GNG7: variants seen among roughly 807,000 people sequenced by gnomAD.
GNG7 encodes the protein guanine nucleotide-binding protein G(I)/G(S)/G(O) subunit gamma-7.
Under a neutral mutation model 4.0 loss-of-function variants are expected in GNG7, and 1 was observed. The observed-to-expected ratio is 0.25, with a 90% CI of 0.09 to 1.18. The LOEUF (loss-of-function observed/expected upper bound fraction) is 1.18, where lower values mean the gene tolerates loss of function less well. Ranked by LOEUF, GNG7 falls within the 50% of genes most tolerant of loss-of-function variation. The pLI, the probability that GNG7 is intolerant of heterozygous loss-of-function variation, is 0.50. For synonymous variants in GNG7, 34 were observed against 36.9 expected (o/e 0.92, Z 0.29); for missense variants, 86 against 91.9 (o/e 0.94, Z 0.26).
intron 2 of GNG7, among the ~76,000 whole-genome samples, chr19:2,601,909 A>T (rs544269094): frequency 6.6e-6 from 1 of 151,900 alleles, no homozygotes; most frequent in African/African-American, 2.4e-5. Context: ...CTCAGAAAGA[A>T]GAAAAGAGAA....
chr19:2,560,311 G>C (rs1164456839), intron 2 of GNG7, among the ~76,000 whole-genome samples: 6 of 152,040 alleles, frequency 3.9e-5, no homozygotes, highest in African/African-American at 1.4e-4. Context: ...GGAAGGAAGG[G>C]ACCGCCTCAG....
chr19:2,655,859 A>ATATATATATATATATATATAT (rs1184181259), intron 1 of GNG7, among the ~76,000 whole-genome samples: 1 of 133,690 alleles, frequency 7.5e-6, no homozygotes, highest in African/African-American at 3.3e-5. Context: ...AAAAAAAAAA[A>ATATATATATATATATATATAT]ATACATATAT....
rs549469816 is a variant in GNG7 at position 2,586,189 on chromosome 19, C to T, written c.-77-31001G>A. 4.2e-4 allele frequency among the ~76,000 whole-genome samples: 64 copies of T among 152,294 alleles called. No individual in the cohort carries two copies. In the South Asian group the frequency reaches 6.8e-3, roughly 16 times the overall value. ...GGCTGGCTCAGCACAGTCTTGCAGC[C>T]GTCTTGATGGGGTGAGATCGGGGAG... On this transcript the variant is annotated intron_variant, in intron 2 of 4. Coordinates refer to ENST00000382159, the MANE Select transcript of GNG7 (RefSeq NM_052847.3).
intron 2 of GNG7, among the ~76,000 whole-genome samples, chr19:2,636,572 C>G (rs186622735): frequency 2.0e-5 from 3 of 152,122 alleles, no homozygotes; most frequent in Non-Finnish European, 2.9e-5. Flanking sequence ...CCTCTGTGCC[C>G]GAGTGTGAGG....
intron 2 of GNG7, among the ~76,000 whole-genome samples, chr19:2,583,081 C>T (rs1224046412): frequency 2.0e-5 from 3 of 152,102 alleles, no homozygotes; most frequent in Non-Finnish European, 2.9e-5. Flanking sequence ...AATGAGATTA[C>T]AGGCATGAGC....
Position 2,514,446 on chromosome 19 carries a change from C to G in GNG7, c.*576G>C, listed in dbSNP as rs1019322029. On this transcript the variant is annotated 3_prime_UTR_variant, in exon 5 of 5. Transcript: ENST00000382159. Reference sequence around the variant, plus strand: ...AGCGACGGGTTCAACCATCACAATCCGAGTTTAGCCGTATGGAGTAACAAT... The same window carrying G: ...AGCGACGGGTTCAACCATCACAATCGGAGTTTAGCCGTATGGAGTAACAAT... 1 of 153,262 alleles carries G rather than the reference C, an allele frequency of 6.5e-6. No individual in the cohort carries two copies. The highest frequency in any genetic ancestry group is 1.9e-4 in the East Asian group (1 of 5,216). 9.5% of individuals were successfully genotyped at this position (153,262 alleles called of 1,614,324 possible).
chr19:2,613,464 G>A (rs750275008), intron 2 of GNG7, among the ~76,000 whole-genome samples: 10 of 151,354 alleles, frequency 6.6e-5, no homozygotes, highest in Non-Finnish European at 1.5e-4. Flanking sequence ...AACTCCCGAC[G>A]GGGCAGATGG....
chr19:2,593,378 T>C (rs1980909237), intron 2 of GNG7, among the ~76,000 whole-genome samples: 1 of 152,196 alleles, frequency 6.6e-6, no homozygotes, highest in African/African-American at 2.4e-5. Flanking sequence ...TAGTATTGAG[T>C]CAATTTTTGT....
intron 3 of GNG7, among the ~76,000 whole-genome samples, chr19:2,552,312 A>C (rs1979357436): frequency 6.6e-6 from 1 of 152,082 alleles, no homozygotes; most frequent in Non-Finnish European, 1.5e-5. Context: ...CAAAACAAGC[A>C]AACAGAAATA....
intron 1 of GNG7, among the ~76,000 whole-genome samples, chr19:2,697,793 C>T (rs558288296): frequency 1.4e-3 from 214 of 151,202 alleles, no homozygotes; most frequent in African/African-American, 4.6e-3. Context: ...CCGTCCCCCC[C>T]CCCGCCCGTC....
intron 2 of GNG7, among the ~76,000 whole-genome samples, chr19:2,606,889 G>C (rs1215893059): frequency 6.6e-6 from 1 of 151,570 alleles, no homozygotes; most frequent in Non-Finnish European, 1.5e-5. Context: ...TGCACGCAGT[G>C]TTCATGGAAA....
chr19:2,616,742 C>T (rs1331361226), intron 2 of GNG7, among the ~76,000 whole-genome samples: 1 of 151,876 alleles, frequency 6.6e-6, no homozygotes, highest in African/African-American at 2.4e-5. Flanking sequence ...ATCACGCCAT[C>T]GCACTCCAGC....
At chr19:2,552,458 C>A (rs1979361758) in intron 3 of GNG7, among the ~76,000 whole-genome samples, 4 of 152,208 alleles carry the variant, frequency 2.6e-5, no homozygotes, top group Middle Eastern at 3.4e-3. Context: ...GATCTCGGCT[C>A]ACTACAACCT....
intron 2 of GNG7, among the ~76,000 whole-genome samples, chr19:2,565,839 C>T (rs1479087046): frequency 3.9e-5 from 6 of 151,912 alleles, no homozygotes; most frequent in African/African-American, 4.8e-5. Flanking sequence ...AGGGGACGGG[C>T]GGAATGATGT....
intron 1 of GNG7, among the ~76,000 whole-genome samples, chr19:2,683,238 CA>C (rs113884625): frequency 0.26 from 37,483 of 144,556 alleles, 5,073 homozygotes; most frequent in East Asian, 0.46. Context: ...GACTCCGTCT[CA>C]AAAAAAAAAA....
chr19:2,609,635 G>A lies in GNG7; in HGVS notation c.-78+36589C>T, dbSNP rs1005847740. 1.2e-4 allele frequency among the ~76,000 whole-genome samples: 19 copies of A among 152,160 alleles called. No individual in the cohort carries two copies. The highest frequency in any genetic ancestry group is 2.9e-4 in the African/African-American group (12 of 41,436). On this transcript the variant is annotated intron_variant, in intron 2 of 4. Coordinates refer to ENST00000382159, the MANE Select transcript of GNG7 (RefSeq NM_052847.3). This position sits in a 1 kb window ranked among gnomAD's most constrained non-coding sequence, Gnocchi z 4.4. ...AGCAGACAGGGTCCCACCTGTTACCGTCTTGGACTTCCAGCCTCCAGAACC... is the reference window on the plus strand; with the variant it reads ...AGCAGACAGGGTCCCACCTGTTACCATCTTGGACTTCCAGCCTCCAGAACC...
intron 2 of GNG7, among the ~76,000 whole-genome samples, chr19:2,568,423 CACACAT>C (rs1294603142): frequency 3.4e-5 from 5 of 147,608 alleles, no homozygotes; most frequent in African/African-American, 1.0e-4. Flanking sequence ...CATAGACATA[CACACAT>C]ACATATACAT....
chr19:2,575,366 T>A, intron 2 of GNG7, among the ~76,000 whole-genome samples: 1 of 152,224 alleles, frequency 6.6e-6, no homozygotes, highest in East Asian at 1.9e-4. Flanking sequence ...TGAGCCACAG[T>A]GCCCTGCTCG....
rs1358526132 is a variant in GNG7, at chr19:2,633,884, G to A, written c.-78+12340C>T. On this transcript the variant is annotated intron_variant, in intron 2 of 4. Coordinates refer to ENST00000382159, the MANE Select transcript of GNG7 (RefSeq NM_052847.3). The surrounding 1 kb of genome is among the most constrained non-coding windows in gnomAD (Gnocchi z 5.9). ...CCCGGGCACTGCAGGGTGCTGAGTG[G>A]CACCCCTGACCTCCACCCCATGGCA... Among the ~76,000 whole-genome samples the A allele has an allele frequency of 6.6e-6, 1 of 152,064 alleles. No individual in the cohort carries two copies. Among genetic ancestry groups the A allele is most frequent in the Non-Finnish European group, 1.5e-5 (1 of 68,002 alleles).
Sources: gnomAD v4.1 joint callset for allele counts (sites outside exome capture counted in the v4.1 genomes callset) on GRCh38, gnomAD v4.1.1 for gene constraint, Gnocchi (gnomAD v3.1) non-coding constraint, MANE v1.5 for transcripts, NCBI Gene and HGNC (gene_info 2026-07-23, HGNC 2026-07-21) for gene names.